The following MCTP1 variants were observed in gnomAD, a reference collection of about 807,000 sequenced individuals.
MCTP1 encodes the protein multiple C2 and transmembrane domain-containing protein 1.
MCTP1 carries 69 observed loss-of-function variants against 120.6 expected under a neutral mutation model. The ratio of observed to expected loss-of-function variants is 0.57; its 90% CI spans 0.47 to 0.70. The LOEUF is 0.70. MCTP1 is among the 30% of genes least tolerant of loss of function. MCTP1 has a pLI of 0.00. For missense variants in MCTP1, 1,203 were observed against 1,248.8 expected (o/e 0.96, Z 0.55); for synonymous variants, 529 against 493.1 (o/e 1.07, Z -0.96).
At chr5:94,851,396 G>A (rs1793663530) in intron 17 of MCTP1, among the ~76,000 whole-genome samples, 1 of 151,964 alleles carries the variant, frequency 6.6e-6, no homozygotes, top group Admixed American at 6.6e-5. Context: ...AAAAGGTAGA[G>A]CAAATTCTTC....
At chr5:95,039,466 T>C (rs574005575) in intron 1 of MCTP1, among the ~76,000 whole-genome samples, 1 of 152,316 alleles carries the variant, frequency 6.6e-6, no homozygotes, top group East Asian at 1.9e-4. Context: ...AAGGGGGTTG[T>C]GGGCTGAGGC....
chr5:95,076,079 T>C (rs972547712), intron 1 of MCTP1, among the ~76,000 whole-genome samples: 8 of 152,202 alleles, frequency 5.3e-5, no homozygotes, highest in African/African-American at 1.9e-4. Context: ...ATGCTATTTT[T>C]TTCTATACAT....
At chr5:94,811,382 A>G (rs1024136107) in intron 17 of MCTP1, among the ~76,000 whole-genome samples, 1 of 152,210 alleles carries the variant, frequency 6.6e-6, no homozygotes, top group Non-Finnish European at 1.5e-5. Flanking sequence ...CAATGGTAAC[A>G]GAAGTTATCA....
At chr5:94,819,246 G>A (rs1013314435) in intron 17 of MCTP1, among the ~76,000 whole-genome samples, 2 of 151,774 alleles carry the variant, frequency 1.3e-5, no homozygotes, top group African/African-American at 2.4e-5. Flanking sequence ...CTTCTGCCTC[G>A]GCTCCCATGA....
intron 4 of MCTP1, among the ~76,000 whole-genome samples, chr5:94,940,586 GTATATATATATACACATAT>G (rs1817425032): frequency 8.8e-6 from 1 of 113,314 alleles, no homozygotes; most frequent in African/African-American, 4.1e-5. Flanking sequence ...ACATATATAT[GTATATATATATACACATAT>G]ACATATATAT....
intron 16 of MCTP1, among the ~76,000 whole-genome samples, chr5:94,870,133 G>A (rs763816553): frequency 2.0e-5 from 3 of 152,156 alleles, no homozygotes; most frequent in South Asian, 2.1e-4. Flanking sequence ...TTTTGCTAAT[G>A]CATGAATACA....
chr5:94,805,427 G>C (rs1388073419), intron 17 of MCTP1, among the ~76,000 whole-genome samples: 2 of 152,130 alleles, frequency 1.3e-5, no homozygotes, highest in East Asian at 3.9e-4. Flanking sequence ...AGGAGTTCAA[G>C]ACCAGCCTAG....
At chr5:95,278,239 G>A (rs1028787450) in intron 1 of MCTP1, among the ~76,000 whole-genome samples, 4 of 152,156 alleles carry the variant, frequency 2.6e-5, no homozygotes, top group African/African-American at 4.8e-5. Context: ...ATGGTGAAGA[G>A]CAAATTAAAA....
intron 16 of MCTP1, 45 bp downstream of exon 16, chr5:94,870,372 A>G (rs1019970330): frequency 2.3e-6 from 3 of 1,279,856 alleles, no homozygotes; most frequent in Non-Finnish European, 3.4e-6. Context: ...TTTTACAGAT[A>G]TAATCAGGTC....
At chr5:94,923,927 A>C in intron 7 of MCTP1, 35 bp downstream of exon 7, 1 of 1,394,074 alleles carries the variant, frequency 7.2e-7, no homozygotes, top group Non-Finnish European at 9.7e-7. Flanking sequence ...AAAACCAAAA[A>C]TCAAGAATAT....
At chr5:94,730,216 A>T (rs992588259) in intron 19 of MCTP1, among the ~76,000 whole-genome samples, 4 of 152,226 alleles carry the variant, frequency 2.6e-5, no homozygotes, top group Non-Finnish European at 5.9e-5. Context: ...GCTGCAGTAC[A>T]GTGATGCAAA....
At chr5:94,760,735 A>G (rs1383292483) in intron 19 of MCTP1, among the ~76,000 whole-genome samples, 2 of 151,608 alleles carry the variant, frequency 1.3e-5, no homozygotes, top group Non-Finnish European at 2.9e-5. Context: ...ACCCAGGCTG[A>G]GTGCAGTGGC....
intron 17 of MCTP1, among the ~76,000 whole-genome samples, chr5:94,833,838 C>T (rs749080842): frequency 4.6e-5 from 7 of 151,908 alleles, no homozygotes; most frequent in Non-Finnish European, 7.4e-5. Context: ...ATGTAGTTTA[C>T]GAATGCATAA....
rs1296842304 is a variant in MCTP1 at position 94,704,855 on chromosome 5, T to A, written c.*2641A>T. 1 of 150,956 alleles carries A rather than the reference T, an allele frequency of 6.6e-6. No homozygotes were observed. Among genetic ancestry groups the A allele is most frequent in the Non-Finnish European group, 1.5e-5 (1 of 67,468 alleles). 9.4% of individuals were successfully genotyped at this position (150,956 alleles called of 1,614,324 possible). On this transcript the variant is annotated 3_prime_UTR_variant, in exon 23 of 23. Coordinates refer to ENST00000515393, the MANE Select transcript of MCTP1 (RefSeq NM_024717.7). Reference sequence around the variant, plus strand: ...ACATTCTATATGCACTAGGATAATCTGAGTTGGGAGATTCAATCAATCAAT... The same window carrying A: ...ACATTCTATATGCACTAGGATAATCAGAGTTGGGAGATTCAATCAATCAAT...
At chr5:95,076,488 T>C (rs1364934590) in intron 1 of MCTP1, among the ~76,000 whole-genome samples, 1 of 148,886 alleles carries the variant, frequency 6.7e-6, no homozygotes, top group Non-Finnish European at 1.5e-5. Flanking sequence ...TATCTTAAAA[T>C]AGTTCAAAGA....
rs1023833187 is a variant in MCTP1, at chr5:94,730,450, C to T, written c.2611-15564G>A. 3.3e-5 allele frequency among the ~76,000 whole-genome samples: 5 copies of T among 152,130 alleles called. No individual in the cohort carries two copies. In the South Asian group the frequency reaches 6.2e-4, roughly 19 times the overall value. ...ACAGGCATGAGCCATCACACCTGGC[C>T]GAGGCTGATTTTACTGCCCTAGGGA... On this transcript the variant is annotated intron_variant, in intron 19 of 22. Transcript: ENST00000515393.
intron 1 of MCTP1, among the ~76,000 whole-genome samples, chr5:95,157,752 G>A (rs1745284299): frequency 1.3e-5 from 2 of 152,280 alleles, no homozygotes; most frequent in African/African-American, 4.8e-5. Flanking sequence ...TGATTACATG[G>A]AGCAGGGATC....
At chr5:94,724,693 A>C (rs1369531487) in intron 19 of MCTP1, among the ~76,000 whole-genome samples, 1 of 152,200 alleles carries the variant, frequency 6.6e-6, no homozygotes, top group African/African-American at 2.4e-5. Flanking sequence ...GAGGTTCTGG[A>C]ATAGATCTCT....
chr5:94,711,134 ACCT>A (rs1756806190), intron 20 of MCTP1, among the ~76,000 whole-genome samples: 1 of 151,968 alleles, frequency 6.6e-6, no homozygotes, highest in South Asian at 2.1e-4. Flanking sequence ...TCTTGCTGCC[ACCT>A]CCTCCAGATT....
Sources: allele counts gnomAD v4.1 joint callset (sites outside exome capture counted in the v4.1 genomes callset), GRCh38; gene constraint gnomAD v4.1.1; transcripts MANE v1.5; gene names NCBI Gene and HGNC (gene_info 2026-07-23, HGNC 2026-07-21).